VTA1: variants seen among roughly 807,000 people sequenced by gnomAD.
The protein encoded by VTA1 is vacuolar protein sorting-associated protein VTA1 homolog.
A neutral mutation model predicts 36.9 loss-of-function variants in VTA1; 24 were observed. That is an observed-to-expected ratio of 0.65 (90% CI 0.47 to 0.91). The LOEUF (loss-of-function observed/expected upper bound fraction) is 0.91, where lower values mean the gene tolerates loss of function less well. Among genes scored for constraint, VTA1 ranks in the 40% least tolerant of loss-of-function variants. The pLI is 0.00. For missense variants in VTA1, 393 were observed against 377.2 expected, an observed-to-expected ratio of 1.04 and a Z score of -0.35; for synonymous variants, 142 against 130.2, an observed-to-expected ratio of 1.09 and a Z score of -0.62.
In VTA1 at chr6:142,170,439, A is replaced by T; in HGVS notation, c.411+18A>T. ...CTGATGAAGTGAGTGTACATTCTTT[A>T]TTGTCTTATTAGCTGAAGATCAGTA... On this transcript the variant is annotated intron_variant, in intron 4 of 7. Transcript: ENST00000367630. 6.6e-7 allele frequency: 1 copy of T among 1,513,652 alleles called. No individual in the cohort carries two copies. Among genetic ancestry groups the T allele is most frequent in the Admixed American group, 1.8e-5 (1 of 54,256 alleles). 93.8% of individuals were successfully genotyped at this position (1,513,652 alleles called of 1,614,324 possible). A position where few individuals can be genotyped will look rare whatever the true frequency, so the allele number is the denominator to read the frequency against.
chr6:142,156,874 A>G (rs192737980), intron 1 of VTA1, among the ~76,000 whole-genome samples: 16 of 152,352 alleles, frequency 1.1e-4, no homozygotes, highest in East Asian at 5.8e-4. Flanking sequence ...GGTAAACTAC[A>G]TGGATATTAG....
chr6:142,193,742 C>T (rs544322402), intron 5 of VTA1, among the ~76,000 whole-genome samples: 25 of 151,616 alleles, frequency 1.6e-4, no homozygotes, highest in African/African-American at 5.8e-4. Flanking sequence ...TTGATCTGGC[C>T]AGTGCCTTTT....
intron 5 of VTA1, among the ~76,000 whole-genome samples, chr6:142,196,420 T>A (rs2114671502): frequency 1.3e-5 from 2 of 152,332 alleles, no homozygotes; most frequent in East Asian, 3.9e-4. Context: ...TTAAAGTACA[T>A]TTCCTGCAAA....
At position 142,219,384 on chromosome 6, in the gene VTA1, G is replaced by A. The variant is rs1776062283; in HGVS notation, c.*741G>A. 3 of 152,192 alleles carry A rather than the reference G, an allele frequency of 2.0e-5. No homozygotes were observed. The highest frequency in any genetic ancestry group is 2.0e-4 in the Admixed American group (3 of 15,268). 9.4% of individuals were successfully genotyped at this position (152,192 alleles called of 1,614,324 possible). ...AGAGAATGAAAAGAAGATATTTGTA[G>A]TAATGCCTGGAAACTTGGTGCTTTA... On this transcript the variant is annotated 3_prime_UTR_variant, in exon 8 of 8. Transcript: ENST00000367630.
At chr6:142,212,509 G>T (rs985098783) in intron 7 of VTA1, among the ~76,000 whole-genome samples, 1 of 152,100 alleles carries the variant, frequency 6.6e-6, no homozygotes, top group Non-Finnish European at 1.5e-5. Flanking sequence ...CAAGAGTTAG[G>T]GGGAGAGGGA....
At chr6:142,194,878 G>T (rs778086788) in intron 5 of VTA1, among the ~76,000 whole-genome samples, 4 of 152,014 alleles carry the variant, frequency 2.6e-5, no homozygotes, top group Non-Finnish European at 4.4e-5. Flanking sequence ...ATTTTGTCAA[G>T]TGCTTTTTAT....
At chr6:142,151,006 G>C (rs543263516) in intron 1 of VTA1, among the ~76,000 whole-genome samples, 1 of 152,008 alleles carries the variant, frequency 6.6e-6, no homozygotes, top group Non-Finnish European at 1.5e-5. Flanking sequence ...GGGATGCAGG[G>C]AGTCACCTGG....
chr6:142,203,161 G>A (rs225687), intron 6 of VTA1, among the ~76,000 whole-genome samples: 58,156 of 151,614 alleles, frequency 0.38, 13,238 homozygotes, highest in Middle Eastern at 0.54. Context: ...CATCCCCCTA[G>A]AAACTTCCTA....
At chr6:142,170,167 T>C (rs930388713) in intron 3 of VTA1, among the ~76,000 whole-genome samples, 179 bp from the exon 4 acceptor site, 1 of 152,230 alleles carries the variant, frequency 6.6e-6, no homozygotes, top group East Asian at 1.9e-4. Context: ...CTTGTTACTT[T>C]CTCATAGTAA....
chr6:142,166,667 T>G (rs1774921249), intron 2 of VTA1, among the ~76,000 whole-genome samples: 2 of 151,120 alleles, frequency 1.3e-5, no homozygotes, highest in African/African-American at 4.9e-5. Flanking sequence ...CAGGCTGGAG[T>G]GCATTGCAGT....
rs753392312 is a variant in VTA1 at position 142,169,668 on chromosome 6, G to A, written c.326G>A (p.Arg109Gln). The A allele has an allele frequency of 2.2e-5, 34 of 1,576,482 alleles. No individual in the cohort carries two copies. Among genetic ancestry groups the A allele is most frequent in the African/African-American group, 2.7e-5 (2 of 72,872 alleles). ...GCAGACAATGAAGATCGTGCTGGACGATTTCACAAGTAAGTAAAGAGAAAA... is the reference window on the plus strand; with the variant it reads ...GCAGACAATGAAGATCGTGCTGGACAATTTCACAAGTAAGTAAAGAGAAAA... The part of the protein sequence containing the change: ...LYADNEDRAG[R>Q]FHKNMIKSFY... The change falls in exon 3 of 8, where the codon CGA becomes CAA. Residue 109 changes from arginine (R) to glutamine (Q), a missense_variant. By Grantham distance (43) the Arg-to-Gln change is conservative. Coordinates refer to ENST00000367630, the MANE Select transcript of VTA1 (RefSeq NM_016485.5).
At chr6:142,160,058 G>A (rs1774767902) in intron 1 of VTA1, among the ~76,000 whole-genome samples, 2 of 152,128 alleles carry the variant, frequency 1.3e-5, no homozygotes, top group African/African-American at 4.8e-5. Flanking sequence ...GTAGGGCATT[G>A]TGAATTTTAC....
In VTA1 at chr6:142,188,530, G is replaced by T. The variant is rs76995829; in HGVS notation, c.412-896G>T. On this transcript the variant is annotated intron_variant, in intron 4 of 7. Coordinates refer to ENST00000367630, the MANE Select transcript of VTA1 (RefSeq NM_016485.5). Reference sequence around the variant, plus strand: ...GCCTGTTTTCAAATAGTAAAACCACGTTCGCTCTGGAACGCTAATGTGCGT... The same window carrying T: ...GCCTGTTTTCAAATAGTAAAACCACTTTCGCTCTGGAACGCTAATGTGCGT... Among the ~76,000 whole-genome samples the T allele has an allele frequency of 3.7e-3, 564 of 152,146 alleles. 6 individuals carry two copies. The highest frequency in any genetic ancestry group is 5.2e-3 in the South Asian group (25 of 4,822).
Position 142,219,685 on chromosome 6 carries a change from G to T in VTA1, c.*1042G>T, listed in dbSNP as rs1370730759. 6.6e-6 allele frequency: 1 copy of T among 152,172 alleles called. No homozygotes were observed. Among genetic ancestry groups the T allele is most frequent in the Admixed American group, 6.5e-5 (1 of 15,278 alleles). The allele number at this position is 152,172 out of a possible 1,614,324, so 9.4% of individuals were successfully genotyped here. A position where few individuals can be genotyped will look rare whatever the true frequency, so the allele number is the denominator to read the frequency against. The stretch of plus-strand genomic sequence containing the variant: ...CATTTTTATTTATAGGAATATGGGT[G>T]TTTCTATAGGAAGAAACAGGTTTTT... On this transcript the variant is annotated 3_prime_UTR_variant, in exon 8 of 8. Transcript: ENST00000367630.
rs1221799031 is a variant in VTA1 at position 142,147,863 on chromosome 6, T to A, written c.112+464T>A. On this transcript the variant is annotated intron_variant, in intron 1 of 7. Coordinates refer to ENST00000367630, the MANE Select transcript of VTA1 (RefSeq NM_016485.5). ...CATGCAAGCCCAATCAGAAACTCAT[T>A]TGGTTAAATGGGGAGTATCTGCTAC... Among the ~76,000 whole-genome samples, 9 of 152,152 alleles carry A rather than the reference T, an allele frequency of 5.9e-5. No homozygotes were observed. In the East Asian group the frequency reaches 1.7e-3, roughly 29 times the overall value.
intron 5 of VTA1, among the ~76,000 whole-genome samples, chr6:142,196,472 G>A (rs225678): frequency 0.38 from 57,931 of 151,982 alleles, 13,219 homozygotes; most frequent in Middle Eastern, 0.54. Flanking sequence ...CAACCCCTGT[G>A]TGAGAAATAG....
chr6:142,205,497 C>T (rs1199289736), intron 7 of VTA1, among the ~76,000 whole-genome samples: 1 of 152,084 alleles, frequency 6.6e-6, no homozygotes, highest in Non-Finnish European at 1.5e-5. Context: ...CACATTTTGC[C>T]TAGCACATAC....
In VTA1 at chr6:142,174,594, A is replaced by G. The variant is rs541586388; in HGVS notation, c.411+4173A>G. On this transcript the variant is annotated intron_variant, in intron 4 of 7. Transcript: ENST00000367630. ...TGGGAAGGGATAATTATATTTTGCA[A>G]TGTGAAAAGGACATGAGATTTGAGG... Among the ~76,000 whole-genome samples, 31 of 152,236 alleles carry G rather than the reference A, an allele frequency of 2.0e-4. 1 individual carries two copies. The South Asian group carries it at 6.4e-3, about 32-fold the overall frequency.
rs1776061570 is a variant in VTA1 at position 142,219,354 on chromosome 6, G to GT, written c.*712dup. On this transcript the variant is annotated 3_prime_UTR_variant, in exon 8 of 8. Coordinates refer to ENST00000367630, the MANE Select transcript of VTA1 (RefSeq NM_016485.5). ...TGCTTCATAGGCAGTTTGACTGCATGTATTAGAGAATGAAAAGAAGATATT... is the reference window on the plus strand; with the variant it reads ...TGCTTCATAGGCAGTTTGACTGCATGTTATTAGAGAATGAAAAGAAGATATT... The GT allele has an allele frequency of 6.6e-6, 1 of 152,200 alleles. No homozygotes were observed. The highest frequency in any genetic ancestry group is 1.5e-5 in the Non-Finnish European group (1 of 68,036). The allele number at this position is 152,200 out of a possible 1,614,324, so 9.4% of individuals were successfully genotyped here.
Sources: gnomAD v4.1 joint callset for allele counts (sites outside exome capture counted in the v4.1 genomes callset) on GRCh38, gnomAD v4.1.1 for gene constraint, MANE v1.5 for transcripts, NCBI Gene and HGNC (gene_info 2026-07-23, HGNC 2026-07-21) for gene names.